WWC1: variants seen among roughly 807,000 people sequenced by gnomAD.
WWC1 encodes the protein protein KIBRA.
WWC1 carries 55 observed loss-of-function variants against 138.4 expected under a neutral mutation model. The observed-to-expected ratio is 0.40, with a 90% CI of 0.32 to 0.50. The LOEUF (loss-of-function observed/expected upper bound fraction) is 0.50. WWC1 is among the 20% of genes least tolerant of loss of function. The pLI is 0.72. For synonymous variants in WWC1, 524 were observed against 564.9 expected, an observed-to-expected ratio of 0.93 and a Z score of 1.03; for missense variants, 1,226 against 1,420.4, an observed-to-expected ratio of 0.86 and a Z score of 2.20.
At chr5:168,465,472 G>A (rs1757187459) in intron 21 of WWC1, among the ~76,000 whole-genome samples, 1 of 148,476 alleles carries the variant, frequency 6.7e-6, no homozygotes, top group East Asian at 2.0e-4. Flanking sequence ...ATGAGTTTAA[G>A]GGATTTAGGG....
rs1212704475 is a variant in WWC1 at position 168,427,881 on chromosome 5, A to AC, written c.1811-149dup. On this transcript the variant is annotated intron_variant, in intron 11 of 22. Transcript: ENST00000265293. ...AGGCGGAGGTGGGAGGATCACCAGA[A>AC]CCCGAAGTGGTCGAGGCTGCAGTGA... The AC allele has an allele frequency of 2.7e-5, 15 of 561,510 alleles. No individual in the cohort carries two copies. In the African/African-American group the frequency reaches 2.8e-4, roughly 11 times the overall value. 34.8% of individuals were successfully genotyped at this position (561,510 alleles called of 1,614,324 possible). A position where few individuals can be genotyped will look rare whatever the true frequency, so the allele number is the denominator to read the frequency against.
chr5:168,399,650 A>G lies in WWC1; in HGVS notation c.590+83A>G, dbSNP rs1479107735. 19 of 1,333,712 alleles carry G rather than the reference A, an allele frequency of 1.4e-5. 1 individual carries two copies. The Admixed American group carries it at 3.0e-4, about 21-fold the overall frequency. The allele number at this position is 1,333,712 out of a possible 1,614,324, so 82.6% of individuals were successfully genotyped here. On this transcript the variant is annotated intron_variant, in intron 5 of 22. Coordinates refer to ENST00000265293, the MANE Select transcript of WWC1 (RefSeq NM_015238.3). ...TGTCCTCTCTGTCTCTCTCTCCTTC[A>G]GTCCCTTTCCTCCCTTCTCAAAATG...
Position 168,364,068 on chromosome 5 carries a change from C to T in WWC1, c.120-7356C>T, listed in dbSNP as rs77154601. Reference sequence around the variant, plus strand: ...TCAAGGGCTTGTCTTGTGCCAGTCCCGGCACTAGATACTGTATAGGTTATC... The same window carrying T: ...TCAAGGGCTTGTCTTGTGCCAGTCCTGGCACTAGATACTGTATAGGTTATC... On this transcript the variant is annotated intron_variant, in intron 1 of 22. Coordinates refer to ENST00000265293, the MANE Select transcript of WWC1 (RefSeq NM_015238.3). Among the ~76,000 whole-genome samples the T allele has an allele frequency of 5.1e-4, 78 of 152,170 alleles. 1 individual carries two copies. Among genetic ancestry groups the T allele is most frequent in the African/African-American group, 1.3e-3 (55 of 41,496 alleles).
intron 11 of WWC1, among the ~76,000 whole-genome samples, chr5:168,424,478 C>T (rs912525703): frequency 2.6e-5 from 4 of 152,192 alleles, no homozygotes. Flanking sequence ...AGGGAATAAA[C>T]CTGCAACCAA....
chr5:168,423,956 G>A lies in WWC1; in HGVS notation c.1698G>A (p.Glu566=). 1 of 1,614,136 alleles carries A rather than the reference G, an allele frequency of 6.2e-7. No individual in the cohort carries two copies. The highest frequency in any genetic ancestry group is 8.5e-7 in the Non-Finnish European group (1 of 1,180,036). ...GTGATGCCTTCCTCAACTCCTTGGA[G>A]TTTGAAGACCCGGAGCTGAGTGCCA... The part of the protein sequence containing the change: ...LAGDAFLNSL[E]FEDPELSATL... The change falls in exon 11 of 23, where the codon GAG becomes GAA. Residue 566 remains glutamate (E), a synonymous_variant. Coordinates refer to ENST00000265293, the MANE Select transcript of WWC1 (RefSeq NM_015238.3).
intron 1 of WWC1, among the ~76,000 whole-genome samples, chr5:168,326,594 A>G (rs965622710): frequency 6.6e-6 from 1 of 151,632 alleles, no homozygotes; most frequent in Non-Finnish European, 1.5e-5. Context: ...GCTGGAGTAC[A>G]GTGATGCGAT....
chr5:168,357,269 T>C lies in WWC1; in HGVS notation c.120-14155T>C, dbSNP rs116202600. On this transcript the variant is annotated intron_variant, in intron 1 of 22. Coordinates refer to ENST00000265293, the MANE Select transcript of WWC1 (RefSeq NM_015238.3). Reference sequence around the variant, plus strand: ...TGAGGTTACAACTGTTAATAAGATATTAAGATACTGTCTTTTTCTTCCTCT... The same window carrying C: ...TGAGGTTACAACTGTTAATAAGATACTAAGATACTGTCTTTTTCTTCCTCT... Among the ~76,000 whole-genome samples the C allele has an allele frequency of 6.8e-3, 1,032 of 150,702 alleles. 16 individuals carry two copies. The highest frequency in any genetic ancestry group is 0.024 in the African/African-American group (994 of 40,976).
In WWC1 at chr5:168,455,418, C is replaced by A; in HGVS notation, c.2721C>A (p.Asp907Glu). Residue 907 changes from aspartate to glutamate, a missense_variant, in exon 19 of 23, where the codon GAC becomes GAA. Around this residue, in one of 3 missense-constraint regions of WWC1, gnomAD observed 1,016 missense variants for 1,153.9 expected, o/e 0.88. Transcript: ENST00000265293. ...CCCCCACAGTGGTGCGACCTAAGGA[C>A]CGGAGAGTGGGCACCCCGTCCCAGG... ...APSPTVVRPK[D>E]RRVGTPSQGP... The A allele has an allele frequency of 1.9e-6, 3 of 1,611,806 alleles. No homozygotes were observed. Among genetic ancestry groups the A allele is most frequent in the Non-Finnish European group, 2.5e-6 (3 of 1,179,052 alleles).
chr5:168,438,339 A>G (rs1754431051), intron 15 of WWC1, among the ~76,000 whole-genome samples: 1 of 152,112 alleles, frequency 6.6e-6, no homozygotes, highest in Non-Finnish European at 1.5e-5. Context: ...TTCTCATGAT[A>G]GTGAGTGTGT....
chr5:168,462,229 G>C (rs1240052639), intron 20 of WWC1, among the ~76,000 whole-genome samples: 1 of 56,922 alleles, frequency 1.8e-5, no homozygotes, highest in Admixed American at 1.8e-4. Context: ...CAAGTCTGAG[G>C]GGGAACTGGA....
intron 1 of WWC1, among the ~76,000 whole-genome samples, chr5:168,357,491 TGTGCGC>T (rs1176771354): frequency 2.4e-4 from 17 of 69,900 alleles, no homozygotes; most frequent in African/African-American, 7.6e-4. Flanking sequence ...TGTGTGTGTG[TGTGCGC>T]GCGCGCACGC....
chr5:168,349,145 A>G (rs1561642323), intron 1 of WWC1, among the ~76,000 whole-genome samples: 1 of 152,142 alleles, frequency 6.6e-6, no homozygotes, highest in Non-Finnish European at 1.5e-5. Flanking sequence ...CCCCATCTCC[A>G]CAATGAGATG....
intron 1 of WWC1, among the ~76,000 whole-genome samples, chr5:168,348,626 C>T (rs911930598): frequency 6.6e-6 from 1 of 152,148 alleles, no homozygotes; most frequent in Non-Finnish European, 1.5e-5. Flanking sequence ...AAGGACTTCT[C>T]CAAGGAGGAA....
chr5:168,456,620 A>T (rs1012733411), intron 19 of WWC1, among the ~76,000 whole-genome samples: 1 of 152,148 alleles, frequency 6.6e-6, no homozygotes, highest in African/African-American at 2.4e-5. Context: ...ACAAGAGCAA[A>T]ACTCTATCTC....
chr5:168,435,421 T>A lies in WWC1; in HGVS notation c.2280+3977T>A, dbSNP rs549465072. On this transcript the variant is annotated intron_variant, in intron 15 of 22. Transcript: ENST00000265293. ...CCATGCTCAAAACAAAACAAAAAAA[T>A]TTTTTTTGACAGAGGATCTTGCTTT... Among the ~76,000 whole-genome samples the A allele has an allele frequency of 2.7e-4, 41 of 152,216 alleles. No individual in the cohort carries two copies. The East Asian group carries it at 4.0e-3, about 15-fold the overall frequency.
At chr5:168,382,248 T>C (rs902028544) in intron 2 of WWC1, among the ~76,000 whole-genome samples, 2 of 152,152 alleles carry the variant, frequency 1.3e-5, no homozygotes, top group Non-Finnish European at 2.9e-5. Context: ...CCAATATAAA[T>C]GGCATGGTCC....
intron 1 of WWC1, among the ~76,000 whole-genome samples, chr5:168,326,216 C>CTTTTT (rs796347858): frequency 0.084 from 9,461 of 112,078 alleles, 273 homozygotes; most frequent in Non-Finnish European, 0.12. Context: ...ACCTGATAGT[C>CTTTTT]TTTTTTTTTT....
At chr5:168,306,992 G>A (rs748657692) in intron 1 of WWC1, among the ~76,000 whole-genome samples, 10 of 152,056 alleles carry the variant, frequency 6.6e-5, no homozygotes, top group Admixed American at 5.2e-4. Context: ...CTACATCTTC[G>A]AGACTCCAAG....
intron 7 of WWC1, among the ~76,000 whole-genome samples, 162 bp from the exon 8 acceptor site, chr5:168,409,760 G>C (rs1780082846): frequency 6.6e-6 from 1 of 152,146 alleles, no homozygotes; most frequent in African/African-American, 2.4e-5. Context: ...AAGTGTTTTT[G>C]CTTAACCAGC....
Sources: allele counts gnomAD v4.1 joint callset (sites outside exome capture counted in the v4.1 genomes callset), GRCh38; gene constraint gnomAD v4.1.1; regional missense constraint gnomAD v4.1.1; transcripts MANE v1.5; gene names NCBI Gene and HGNC (gene_info 2026-07-23, HGNC 2026-07-21).